BCAS3: variants seen among roughly 807,000 people sequenced by gnomAD.
The protein encoded by BCAS3 is BCAS4/BCAS3 fusion.
BCAS3 carries 53 observed loss-of-function variants against 116.1 expected under a neutral mutation model. The observed-to-expected ratio is 0.46, with a 90% CI of 0.37 to 0.57. The LOEUF is 0.57. Among genes scored for constraint, BCAS3 ranks in the 20% least tolerant of loss-of-function variants. The pLI is 0.00. For missense variants in BCAS3, 917 were observed against 1,165.4 expected (o/e 0.79, Z 3.10); for synonymous variants, 391 against 408.2 (o/e 0.96, Z 0.51).
Position 61,208,725 on chromosome 17 carries a change from G to A in BCAS3, c.2425+124161G>A, listed in dbSNP as rs551526782. 1.3e-5 allele frequency among the ~76,000 whole-genome samples: 2 copies of A among 152,236 alleles called. No homozygotes were observed. Among genetic ancestry groups the A allele is most frequent in the East Asian group, 1.9e-4 (1 of 5,184 alleles). Reference sequence around the variant, plus strand: ...TCCCAAACAGAATTAGAAGGAAAAGGTCTGCTTAGCTGTCTTTTCCTGTTT... The same window carrying A: ...TCCCAAACAGAATTAGAAGGAAAAGATCTGCTTAGCTGTCTTTTCCTGTTT... On this transcript the variant is annotated intron_variant, in intron 22 of 23. Transcript: ENST00000407086. The surrounding 1 kb of genome is among the most constrained non-coding windows in gnomAD (Gnocchi z 4.5).
intron 14 of BCAS3, among the ~76,000 whole-genome samples, chr17:60,973,586 A>ATATATATATATATATATATAT (rs752524305): frequency 9.0e-4 from 124 of 137,938 alleles, no homozygotes; most frequent in African/African-American, 3.1e-3. Context: ...CCTTATTATT[A>ATATATATATATATATATATAT]ATATATATAT....
In BCAS3 at chr17:61,258,535, CGTT is replaced by C. The variant is rs2048962880; in HGVS notation, c.2426-109789_2426-109787del. On this transcript the variant is annotated intron_variant, in intron 22 of 23. Transcript: ENST00000407086. The surrounding 1 kb of genome is among the most constrained non-coding windows in gnomAD (Gnocchi z 4.7). ...AATAATCATACCTACTTCATGGTAT[CGTT>C]GTGTGGATTAAATGAAATTGCATGT... 6.6e-6 allele frequency among the ~76,000 whole-genome samples: 1 copy of C among 152,200 alleles called. No homozygotes were observed. Among genetic ancestry groups the C allele is most frequent in the Non-Finnish European group, 1.5e-5 (1 of 68,040 alleles).
chr17:60,824,838 G>A (rs1395097150), intron 7 of BCAS3, among the ~76,000 whole-genome samples: 1 of 152,144 alleles, frequency 6.6e-6, no homozygotes, highest in Admixed American at 6.6e-5. Flanking sequence ...GGAGTTAGGT[G>A]GTCATATACA....
rs376267663 is a variant in BCAS3 at position 61,038,662 on chromosome 17, G to T, written c.1928+608G>T. On this transcript the variant is annotated intron_variant, in intron 18 of 23. Coordinates refer to ENST00000407086, the MANE Select transcript of BCAS3 (RefSeq NM_017679.5). Reference sequence around the variant, plus strand: ...CATTCCTTTTTTTTGTTTTGTTTTTGTTTTTGTTTTTTTTTTTTTTTTTTT... The same window carrying T: ...CATTCCTTTTTTTTGTTTTGTTTTTTTTTTTGTTTTTTTTTTTTTTTTTTT... 7.8e-3 allele frequency among the ~76,000 whole-genome samples: 888 copies of T among 113,340 alleles called. 3 individuals are homozygous for T. The highest frequency in any genetic ancestry group is 0.01 in the Non-Finnish European group (577 of 56,618). The allele number at this position is 113,340 out of a possible 152,430, so 74.4% of individuals were successfully genotyped here.
rs954578204 is a variant in BCAS3 at position 60,680,649 on chromosome 17, T to C, written c.83+1109T>C. ...TTGAAGATATGTATACTTTTTTTTT[T>C]TTTTTAGATGGAGTCTCACTCTGTT... is the stretch of plus-strand genomic sequence containing the variant. On this transcript the variant is annotated intron_variant, in intron 2 of 23. Transcript: ENST00000407086. 2.0e-5 allele frequency among the ~76,000 whole-genome samples: 3 copies of C among 152,098 alleles called. No individual in the cohort carries two copies. In the East Asian group the frequency reaches 5.8e-4, roughly 29 times the overall value.
intron 12 of BCAS3, among the ~76,000 whole-genome samples, chr17:60,922,565 A>G (rs1184080530): frequency 6.6e-6 from 1 of 152,256 alleles, no homozygotes; most frequent in African/African-American, 2.4e-5. Flanking sequence ...TTGATAGAAC[A>G]ACTAGATAGA....
chr17:60,728,561 C>T (rs905960940), intron 5 of BCAS3, among the ~76,000 whole-genome samples: 1 of 151,960 alleles, frequency 6.6e-6, no homozygotes, highest in African/African-American at 2.4e-5. Context: ...CTCACTGCAA[C>T]CTCCACCTCC....
intron 14 of BCAS3, among the ~76,000 whole-genome samples, chr17:60,973,463 AATC>A (rs2062088723): frequency 6.6e-6 from 1 of 151,960 alleles, no homozygotes; most frequent in African/African-American, 2.4e-5. Flanking sequence ...AAATCTATAT[AATC>A]ATCACCACAA....
intron 19 of BCAS3, among the ~76,000 whole-genome samples, chr17:61,071,115 T>C (rs1300809338): frequency 6.6e-6 from 1 of 152,166 alleles, no homozygotes; most frequent in Non-Finnish European, 1.5e-5. Context: ...TACTGAAATT[T>C]GAGGTTATAG....
At chr17:61,263,772 C>T (rs2049427826) in intron 22 of BCAS3, among the ~76,000 whole-genome samples, 1 of 152,110 alleles carries the variant, frequency 6.6e-6, no homozygotes, top group African/African-American at 2.4e-5. Context: ...GGTATTGTTT[C>T]AGAGAAAGAC....
At chr17:61,237,920 T>C (rs1239784117) in intron 22 of BCAS3, among the ~76,000 whole-genome samples, 1 of 152,206 alleles carries the variant, frequency 6.6e-6, no homozygotes, top group African/African-American at 2.4e-5. Flanking sequence ...CCCATATTCC[T>C]GAATTGGATG....
At chr17:60,972,212 A>G (rs1456870964) in intron 14 of BCAS3, among the ~76,000 whole-genome samples, 1 of 152,212 alleles carries the variant, frequency 6.6e-6, no homozygotes, top group Non-Finnish European at 1.5e-5. Context: ...ATTCACCAAC[A>G]TAAGTCAAAA....
intron 13 of BCAS3, among the ~76,000 whole-genome samples, chr17:60,942,662 A>T (rs1340219531): frequency 6.6e-6 from 1 of 152,170 alleles, no homozygotes; most frequent in African/African-American, 2.4e-5. Context: ...ATCTAGTAGG[A>T]TATTTTAATA....
Position 60,990,137 on chromosome 17 carries a change from G to T in BCAS3, c.1388G>T (p.Gly463Val). 1 of 1,614,148 alleles carries T rather than the reference G, an allele frequency of 6.2e-7. No homozygotes were observed. Residue 463 changes from glycine (G) to valine (V), a missense_variant, in exon 15 of 24, where the codon GGA (glycine) becomes GTA (valine). Around this residue, in one of 3 missense-constraint regions of BCAS3, gnomAD observed 807 missense variants for 1,026.0 expected, o/e 0.79. Coordinates refer to ENST00000407086, the MANE Select transcript of BCAS3 (RefSeq NM_017679.5). This position sits in a 1 kb window ranked among gnomAD's most constrained non-coding sequence, Gnocchi z 5.1. ...NRMSRFQKSAGLEEIEQELTS... is the reference protein window; with the variant it reads ...NRMSRFQKSAVLEEIEQELTS... ...ATGAGCCGTTTCCAGAAAAGTGCTG[G>T]ACTGGAAGAGATTGAACAAGAACTG...
At chr17:61,166,540 GC>G (rs1268638371) in intron 22 of BCAS3, among the ~76,000 whole-genome samples, 1 of 151,664 alleles carries the variant, frequency 6.6e-6, no homozygotes, top group Non-Finnish European at 1.5e-5. Context: ...TGGGATTACA[GC>G]CATGCACCAC....
At chr17:61,216,554 A>ATTTTATTTT (rs2081803095) in intron 22 of BCAS3, among the ~76,000 whole-genome samples, 1 of 85,824 alleles carries the variant, frequency 1.2e-5, no homozygotes, top group Non-Finnish European at 2.4e-5. Flanking sequence ...TATTTTATTT[A>ATTTTATTTT]TTTATTTTTG....
chr17:60,863,198 A>G (rs2054301192), intron 7 of BCAS3, among the ~76,000 whole-genome samples: 2 of 152,198 alleles, frequency 1.3e-5, no homozygotes, highest in Non-Finnish European at 2.9e-5. Flanking sequence ...CTTTGATGAA[A>G]ATGAGTTGGC....
rs2058118559 is a variant in BCAS3 at position 61,356,044 on chromosome 17, G to A, written c.2426-12283G>A. On this transcript the variant is annotated intron_variant, in intron 22 of 23. Coordinates refer to ENST00000407086, the MANE Select transcript of BCAS3 (RefSeq NM_017679.5). The surrounding 1 kb of genome is among the most constrained non-coding windows in gnomAD (Gnocchi z 5.4). Reference sequence around the variant, plus strand: ...GAGTCTTACTCTGTGGCCCAGGCTGGAGTACAATGGCGCAATCTCGGCCCA... The same window carrying A: ...GAGTCTTACTCTGTGGCCCAGGCTGAAGTACAATGGCGCAATCTCGGCCCA... Among the ~76,000 whole-genome samples, 1 of 152,148 alleles carries A rather than the reference G, an allele frequency of 6.6e-6. No homozygotes were observed. Among genetic ancestry groups the A allele is most frequent in the Non-Finnish European group, 1.5e-5 (1 of 68,030 alleles).
In BCAS3 at chr17:61,364,039, C is replaced by T. The variant is rs780185828; in HGVS notation, c.2426-4288C>T. On this transcript the variant is annotated intron_variant, in intron 22 of 23. Transcript: ENST00000407086. This position sits in a 1 kb window ranked among gnomAD's most constrained non-coding sequence, Gnocchi z 5.4. ...TTTGCTGTCCTCAGCAAAGAGGCTA[C>T]GAGGTGTGGAAGGGAAAGAGACAGC... Among the ~76,000 whole-genome samples, 3 of 152,130 alleles carry T rather than the reference C, an allele frequency of 2.0e-5. No individual in the cohort carries two copies. The highest frequency in any genetic ancestry group is 2.9e-5 in the Non-Finnish European group (2 of 68,022).
Sources: gnomAD v4.1 joint callset for allele counts (sites outside exome capture counted in the v4.1 genomes callset) on GRCh38, gnomAD v4.1.1 for gene constraint, gnomAD v4.1.1 regional missense constraint, Gnocchi (gnomAD v3.1) non-coding constraint, MANE v1.5 for transcripts, NCBI Gene and HGNC (gene_info 2026-07-23, HGNC 2026-07-21) for gene names.